RARB: variants seen among roughly 807,000 people sequenced by gnomAD.
The protein encoded by RARB is HBV-activated protein.
In RARB, 17 loss-of-function variants were observed where a neutral mutation model predicts 51.9. The ratio of observed to expected loss-of-function variants is 0.33; its 90% CI spans 0.22 to 0.49. The LOEUF is 0.49. RARB is among the 20% of genes least tolerant of loss of function. RARB has a pLI of 0.99. For missense variants in RARB, 369 were observed against 550.8 expected, an observed-to-expected ratio of 0.67 and a Z score of 3.30; for synonymous variants, 215 against 195.4, an observed-to-expected ratio of 1.10 and a Z score of -0.84.
chr3:25,362,259 C>T (rs914441267), intron 5 of RARB, among the ~76,000 whole-genome samples: 5 of 152,146 alleles, frequency 3.3e-5, no homozygotes, highest in South Asian at 2.1e-4. Flanking sequence ...CTGCCCAGGT[C>T]GAACTTCCTG....
intron 2 of RARB, among the ~76,000 whole-genome samples, chr3:25,490,658 C>A (rs549523117): frequency 6.6e-6 from 1 of 152,218 alleles, no homozygotes; most frequent in African/African-American, 2.4e-5. Context: ...CAGCTGGGGT[C>A]CGCTAACTCC....
chr3:25,390,183 A>G (rs1706910716), intron 5 of RARB, among the ~76,000 whole-genome samples: 1 of 152,074 alleles, frequency 6.6e-6, no homozygotes, highest in Non-Finnish European at 1.5e-5. Flanking sequence ...TATGAATGGA[A>G]TTCGCACCCT....
intron 4 of RARB, among the ~76,000 whole-genome samples, chr3:25,134,304 G>A (rs952758791): frequency 6.6e-6 from 1 of 151,886 alleles, no homozygotes; most frequent in African/African-American, 2.4e-5. Context: ...TTCTTAAATG[G>A]CACATAGGAT....
intron 3 of RARB, among the ~76,000 whole-genome samples, chr3:25,534,494 T>G (rs1043107479): frequency 1.3e-5 from 2 of 152,134 alleles, no homozygotes; most frequent in African/African-American, 2.4e-5. Context: ...CCTGTGGGAA[T>G]GTCATGTGTG....
At chr3:25,269,008 G>T (rs144105715) in intron 5 of RARB, among the ~76,000 whole-genome samples, 1 of 152,038 alleles carries the variant, frequency 6.6e-6, no homozygotes, top group South Asian at 2.1e-4. Flanking sequence ...GCAATAAATG[G>T]ATAAAGTATA....
At chr3:25,241,762 G>T (rs1318455347) in intron 5 of RARB, among the ~76,000 whole-genome samples, 1 of 151,730 alleles carries the variant, frequency 6.6e-6, no homozygotes, top group African/African-American at 2.4e-5. Context: ...TGTGAATAGT[G>T]CATGTGCATA....
intron 5 of RARB, among the ~76,000 whole-genome samples, chr3:25,419,947 C>A (rs1449647710): frequency 6.6e-6 from 1 of 150,892 alleles, no homozygotes; most frequent in Non-Finnish European, 1.5e-5. Flanking sequence ...TTGGAAGCCA[C>A]CATGATATCT....
At chr3:25,038,438 A>G (rs183206717) in intron 2 of RARB, among the ~76,000 whole-genome samples, 1 of 152,310 alleles carries the variant, frequency 6.6e-6, no homozygotes. Context: ...AAAATAGAAT[A>G]TCTATTATTA....
chr3:25,154,533 A>G (rs1178845033), intron 4 of RARB, among the ~76,000 whole-genome samples: 2 of 152,116 alleles, frequency 1.3e-5, no homozygotes, highest in Non-Finnish European at 1.5e-5. Context: ...TTTGCTACCA[A>G]TCCATTTTCC....
intron 5 of RARB, among the ~76,000 whole-genome samples, chr3:25,202,675 C>T (rs1301480648): frequency 1.3e-5 from 2 of 152,146 alleles, no homozygotes; most frequent in Non-Finnish European, 2.9e-5. Flanking sequence ...TTTATTTCTG[C>T]CTTCATTTTG....
intron 2 of RARB, among the ~76,000 whole-genome samples, chr3:24,883,303 G>A (rs546248491): frequency 6.6e-6 from 1 of 151,688 alleles, no homozygotes; most frequent in South Asian, 2.1e-4. Context: ...ATATTCAGGG[G>A]TGAAAGATTC....
rs114684052 is a variant in RARB, at chr3:25,256,518, G to A, written c.178+81943G>A. On this transcript the variant is annotated intron_variant, in intron 5 of 11. Coordinates refer to the RARB transcript ENST00000383772. ...TGAAGAGAGAGATCCTTTAAAGGAT[G>A]TCCATGTTGTTTTAAAAATTCTTAT... Among the ~76,000 whole-genome samples, 1,368 of 152,272 alleles carry A rather than the reference G, an allele frequency of 9.0e-3. 24 individuals are homozygous for A. Among genetic ancestry groups the A allele is most frequent in the African/African-American group, 0.031 (1,280 of 41,566 alleles).
At chr3:24,879,961 C>G (rs1302534090) in intron 2 of RARB, among the ~76,000 whole-genome samples, 4 of 150,586 alleles carry the variant, frequency 2.7e-5, no homozygotes, top group African/African-American at 9.8e-5. Flanking sequence ...TGTTACGCCT[C>G]TGTCCTACAA....
intron 2 of RARB, among the ~76,000 whole-genome samples, chr3:24,895,231 A>G (rs1375807862): frequency 6.6e-6 from 1 of 152,224 alleles, no homozygotes; most frequent in Non-Finnish European, 1.5e-5. Flanking sequence ...CACACAGTTA[A>G]TTCATTAAAT....
intron 3 of RARB, among the ~76,000 whole-genome samples, chr3:25,103,243 C>G (rs1483451598): frequency 6.6e-6 from 1 of 152,094 alleles, no homozygotes; most frequent in Admixed American, 6.5e-5. Context: ...GGTCATGAAA[C>G]AATTTGAGGA....
intron 2 of RARB, among the ~76,000 whole-genome samples, chr3:25,464,897 A>C (rs977702457): frequency 2.6e-5 from 4 of 152,184 alleles, no homozygotes; most frequent in African/African-American, 9.7e-5. Flanking sequence ...AATTTAAGCA[A>C]CTGCATAGCT....
chr3:25,389,559 T>C (rs1706890170), intron 5 of RARB, among the ~76,000 whole-genome samples: 1 of 152,172 alleles, frequency 6.6e-6, no homozygotes, highest in South Asian at 2.1e-4. Context: ...GCTTGGCACA[T>C]AGGAAGTTAT....
intron 3 of RARB, among the ~76,000 whole-genome samples, chr3:25,122,052 T>A (rs990328279): frequency 1.3e-5 from 2 of 152,186 alleles, no homozygotes; most frequent in Non-Finnish European, 1.5e-5. Flanking sequence ...GTTGAGTCAA[T>A]GTATCAGTTA....
At chr3:24,976,864 G>C (rs2125422044) in intron 2 of RARB, among the ~76,000 whole-genome samples, 1 of 152,214 alleles carries the variant, frequency 6.6e-6, no homozygotes, top group East Asian at 1.9e-4. Context: ...GTATTGCCTA[G>C]GTTTTCATCT....
Sources: allele counts gnomAD v4.1 joint callset (sites outside exome capture counted in the v4.1 genomes callset), GRCh38; gene constraint gnomAD v4.1.1; transcripts MANE v1.5; gene names NCBI Gene and HGNC (gene_info 2026-07-23, HGNC 2026-07-21).